MARCHF1: variants seen among roughly 807,000 people sequenced by gnomAD.
The protein encoded by MARCHF1 is E3 ubiquitin-protein ligase MARCHF1.
A neutral mutation model predicts 54.2 loss-of-function variants in MARCHF1; 40 were observed. The observed-to-expected ratio is 0.74, with a 90% confidence interval of 0.57 to 0.96. The LOEUF (loss-of-function observed/expected upper bound fraction) is 0.96. Ranked by LOEUF, MARCHF1 falls within the 40% of genes least tolerant of loss-of-function variation. The pLI, the probability that MARCHF1 is intolerant of heterozygous loss-of-function variation, is 0.00. For missense variants in MARCHF1, 586 were observed against 656.5 expected (o/e 0.89, Z 1.17); for synonymous variants, 236 against 236.3 (o/e 1.00, Z 0.01).
chr4:163,801,804 A>G (rs1748090183), intron 4 of MARCHF1, among the ~76,000 whole-genome samples: 1 of 152,132 alleles, frequency 6.6e-6, no homozygotes, highest in Non-Finnish European at 1.5e-5. Context: ...GGCTTGTTTC[A>G]TGCAAACTTA....
chr4:163,934,113 G>A (rs1158142774), intron 3 of MARCHF1, among the ~76,000 whole-genome samples: 1 of 152,174 alleles, frequency 6.6e-6, no homozygotes, highest in African/African-American at 2.4e-5. Flanking sequence ...GTGCACATGT[G>A]TGGGGTGTAC....
At chr4:163,933,062 T>C in intron 3 of MARCHF1, 1 of 1,476,952 alleles carries the variant, frequency 6.8e-7, no homozygotes. Flanking sequence ...ATGAGATTCT[T>C]AATAACCCAG....
At chr4:164,099,785 C>A (rs1200911499) in intron 2 of MARCHF1, among the ~76,000 whole-genome samples, 2 of 151,706 alleles carry the variant, frequency 1.3e-5, no homozygotes, top group Non-Finnish European at 2.9e-5. Context: ...GTCATAATAT[C>A]AAAAATATAT....
At chr4:163,877,777 C>G (rs1750325386) in intron 3 of MARCHF1, among the ~76,000 whole-genome samples, 1 of 152,184 alleles carries the variant, frequency 6.6e-6, no homozygotes, top group Non-Finnish European at 1.5e-5. Flanking sequence ...CACCCATACT[C>G]TGGTCCTCAT....
At chr4:163,655,975 C>A (rs1743124026) in intron 5 of MARCHF1, among the ~76,000 whole-genome samples, 1 of 151,734 alleles carries the variant, frequency 6.6e-6, no homozygotes, top group African/African-American at 2.4e-5. Flanking sequence ...AAGTCAACAT[C>A]CTGACATCAC....
intron 2 of MARCHF1, among the ~76,000 whole-genome samples, chr4:164,066,524 C>T (rs900449352): frequency 2.6e-5 from 4 of 152,076 alleles, no homozygotes; most frequent in African/African-American, 9.7e-5. Context: ...TGGGTATATA[C>T]CCACAGGAAT....
chr4:164,012,564 GC>G (rs1292627165), intron 2 of MARCHF1, among the ~76,000 whole-genome samples: 1 of 152,146 alleles, frequency 6.6e-6, no homozygotes, highest in African/African-American at 2.4e-5. Context: ...GTGGCCACAG[GC>G]TTTGGGTGAG....
At chr4:163,627,127 T>C (rs1188029985) in intron 5 of MARCHF1, among the ~76,000 whole-genome samples, 1 of 152,230 alleles carries the variant, frequency 6.6e-6, no homozygotes, top group Admixed American at 6.5e-5. Flanking sequence ...ATTATCCCAT[T>C]TATAATTATA....
chr4:163,644,197 A>G (rs1338508128), intron 5 of MARCHF1, among the ~76,000 whole-genome samples: 1 of 152,190 alleles, frequency 6.6e-6, no homozygotes, highest in African/African-American at 2.4e-5. Context: ...ATGTTAGAAT[A>G]GAAGGTCCAC....
At chr4:164,044,973 A>C (rs1754210604) in intron 2 of MARCHF1, among the ~76,000 whole-genome samples, 1 of 152,176 alleles carries the variant, frequency 6.6e-6, no homozygotes, top group Admixed American at 6.5e-5. Flanking sequence ...GTAACTCAGA[A>C]AAATAAAACT....
At chr4:163,923,659 A>C (rs115836379) in intron 3 of MARCHF1, among the ~76,000 whole-genome samples, 3,727 of 152,122 alleles carry the variant, frequency 0.025, 64 homozygotes, top group Non-Finnish European at 0.038. Flanking sequence ...AAACTCTTCA[A>C]AGATGGCAGT....
At chr4:163,714,703 G>A (rs1442027331) in intron 4 of MARCHF1, among the ~76,000 whole-genome samples, 2 of 152,028 alleles carry the variant, frequency 1.3e-5, no homozygotes, top group African/African-American at 2.4e-5. Flanking sequence ...TTTTAAGACA[G>A]GGTCTTGCTC....
At chr4:164,203,139 T>C (rs556931277) in intron 1 of MARCHF1, among the ~76,000 whole-genome samples, 36 of 152,182 alleles carry the variant, frequency 2.4e-4, no homozygotes, top group Non-Finnish European at 4.6e-4. Flanking sequence ...TGAGGTTTTA[T>C]GGGATTTTTA....
intron 1 of MARCHF1, among the ~76,000 whole-genome samples, chr4:164,130,685 C>T (rs898057899): frequency 6.6e-6 from 1 of 152,108 alleles, no homozygotes; most frequent in African/African-American, 2.4e-5. Context: ...AAAATTGGGG[C>T]TTACAGAAAT....
At chr4:164,269,503 C>T (rs1435382628) in intron 1 of MARCHF1, among the ~76,000 whole-genome samples, 1 of 152,172 alleles carries the variant, frequency 6.6e-6, no homozygotes, top group African/African-American at 2.4e-5. Context: ...TCTTGGGATG[C>T]ACTTATGATT....
At chr4:163,663,954 A>C (rs1743438570) in intron 5 of MARCHF1, among the ~76,000 whole-genome samples, 1 of 152,026 alleles carries the variant, frequency 6.6e-6, no homozygotes, top group Non-Finnish European at 1.5e-5. Flanking sequence ...AAAAAAAAAA[A>C]ACTGCCAAAA....
At chr4:164,129,431 T>C (rs988924936) in intron 1 of MARCHF1, among the ~76,000 whole-genome samples, 1 of 152,018 alleles carries the variant, frequency 6.6e-6, no homozygotes, top group Non-Finnish European at 1.5e-5. Context: ...TATTTTCCTA[T>C]TCTATGTGGC....
chr4:164,332,366 T>A (rs1729565799), intron 1 of MARCHF1, among the ~76,000 whole-genome samples: 2 of 152,228 alleles, frequency 1.3e-5, no homozygotes, highest in Non-Finnish European at 2.9e-5. Flanking sequence ...ATATTAGACA[T>A]AATATTCACA....
At chr4:163,613,249 C>A (rs1741406125) in intron 6 of MARCHF1, 65 bp downstream of exon 6, 3 of 1,495,818 alleles carry the variant, frequency 2.0e-6, no homozygotes, top group East Asian at 2.3e-5. Context: ...ATTCTCAGAA[C>A]AAACAACAAG....
Sources: allele counts gnomAD v4.1 joint callset (sites outside exome capture counted in the v4.1 genomes callset), GRCh38; gene constraint gnomAD v4.1.1; transcripts MANE v1.5; gene names NCBI Gene and HGNC (gene_info 2026-07-23, HGNC 2026-07-21).